The following ST6GAL1 variants were observed in gnomAD, a reference collection of about 807,000 sequenced individuals.
The protein encoded by ST6GAL1 is beta-galactoside alpha-2,6-sialyltransferase 1.
ST6GAL1 carries 20 observed loss-of-function variants against 38.0 expected under a neutral mutation model. The ratio of observed to expected loss-of-function variants is 0.53; its 90% CI spans 0.37 to 0.77. ST6GAL1 has a LOEUF of 0.77. ST6GAL1 is among the 30% of genes least tolerant of loss of function. ST6GAL1 has a pLI of 0.00. For synonymous variants in ST6GAL1, 196 were observed against 188.2 expected (o/e 1.04, Z -0.34); for missense variants, 432 against 496.4 (o/e 0.87, Z 1.23).
intron 2 of ST6GAL1, among the ~76,000 whole-genome samples, chr3:187,031,139 T>C (rs770385559): frequency 6.6e-6 from 1 of 152,212 alleles, no homozygotes; most frequent in Admixed American, 6.5e-5. Flanking sequence ...CATGGAGTTA[T>C]GCTGATCATC....
In ST6GAL1 at chr3:187,078,272, TATG is replaced by T. The variant is rs957038034; in HGVS notation, c.*2472_*2474del. 2 of 152,562 alleles carry T rather than the reference TATG, an allele frequency of 1.3e-5. No homozygotes were observed. The highest frequency in any genetic ancestry group is 2.9e-5 in the Non-Finnish European group (2 of 68,032). The allele number at this position is 152,562 out of a possible 1,614,324, so 9.5% of individuals were successfully genotyped here. A position where few individuals can be genotyped will look rare whatever the true frequency, so the allele number is the denominator to read the frequency against. ...GTGGACACTTTGGTAAAATGCAAATTATGATATGGACGTTATCATTGGTCTGGT... is the reference window on the plus strand; with the variant it reads ...GTGGACACTTTGGTAAAATGCAAATTATATGGACGTTATCATTGGTCTGGT... On this transcript the variant is annotated 3_prime_UTR_variant, in exon 8 of 8. Coordinates refer to ENST00000169298, the MANE Select transcript of ST6GAL1 (RefSeq NM_173216.2).
chr3:187,008,701 A>C (rs1022527644), intron 2 of ST6GAL1, among the ~76,000 whole-genome samples: 1 of 152,244 alleles, frequency 6.6e-6, no homozygotes, highest in African/African-American at 2.4e-5. Flanking sequence ...GAGCAGGAGA[A>C]ATAATAAATA....
intron 2 of ST6GAL1, among the ~76,000 whole-genome samples, chr3:186,979,311 A>G (rs181112511): frequency 1.6e-3 from 249 of 152,236 alleles, no homozygotes; most frequent in Non-Finnish European, 2.9e-3. Context: ...TGCCTGGAGC[A>G]TTACTGCAAA....
intron 5 of ST6GAL1, among the ~76,000 whole-genome samples, chr3:187,068,395 A>G (rs970217074): frequency 3.9e-5 from 6 of 152,120 alleles, no homozygotes; most frequent in African/African-American, 1.2e-4. Context: ...TAAGAATCCA[A>G]TTCAGACTCT....
intron 2 of ST6GAL1, among the ~76,000 whole-genome samples, chr3:187,010,193 G>C (rs1716911475): frequency 6.6e-6 from 1 of 152,096 alleles, no homozygotes. Flanking sequence ...GAATTACTGG[G>C]TTAAAAGAGA....
At chr3:187,067,394 CT>C (rs3055154) in intron 5 of ST6GAL1, among the ~76,000 whole-genome samples, 14,761 of 114,036 alleles carry the variant, frequency 0.13, 694 homozygotes, top group Middle Eastern at 0.17. Context: ...GCAAGGCAAC[CT>C]TTTTTTTTTT....
chr3:186,960,522 A>G (rs1449640880), intron 1 of ST6GAL1, among the ~76,000 whole-genome samples: 2 of 152,336 alleles, frequency 1.3e-5, no homozygotes, highest in East Asian at 3.9e-4. Flanking sequence ...GACAGATTAC[A>G]GAGCGTTATG....
chr3:186,943,484 C>G (rs1714251231), intron 1 of ST6GAL1, among the ~76,000 whole-genome samples: 1 of 152,160 alleles, frequency 6.6e-6, no homozygotes, highest in African/African-American at 2.4e-5. Context: ...CGGAGTCTCG[C>G]TCTTGCTCAG....
intron 2 of ST6GAL1, among the ~76,000 whole-genome samples, chr3:186,999,499 C>T (rs950378469): frequency 6.6e-6 from 1 of 151,830 alleles, no homozygotes; most frequent in Admixed American, 6.6e-5. Context: ...GCAAGCTCCG[C>T]CTCCCTGGTT....
chr3:187,017,042 G>T (rs989519548), intron 2 of ST6GAL1, among the ~76,000 whole-genome samples: 6 of 152,204 alleles, frequency 3.9e-5, no homozygotes, highest in African/African-American at 1.4e-4. Flanking sequence ...TGACAGTGTA[G>T]CCTGAAATTC....
In ST6GAL1 at chr3:187,076,194, C is replaced by G. The variant is rs1719555464; in HGVS notation, c.*391C>G. ...GCTCTATATTGCTTGAAGTCTGCAT[C>G]TAAATATTGATTTCACGTTTTAAAG... On this transcript the variant is annotated 3_prime_UTR_variant, in exon 8 of 8. Coordinates refer to ENST00000169298, the MANE Select transcript of ST6GAL1 (RefSeq NM_173216.2). 5.4e-6 allele frequency: 1 copy of G among 185,284 alleles called. No individual in the cohort carries two copies. The highest frequency in any genetic ancestry group is 2.4e-5 in the African/African-American group (1 of 42,380). The allele number at this position is 185,284 out of a possible 1,614,324, so 11.5% of individuals were successfully genotyped here.
intron 2 of ST6GAL1, among the ~76,000 whole-genome samples, chr3:187,019,888 C>G (rs911733619): frequency 1.3e-5 from 2 of 152,152 alleles, no homozygotes; most frequent in African/African-American, 4.8e-5. Context: ...ACCAGAAGGT[C>G]AATACAGTGA....
chr3:186,935,467 C>T (rs578230746), intron 1 of ST6GAL1, among the ~76,000 whole-genome samples: 1 of 152,182 alleles, frequency 6.6e-6, no homozygotes, highest in African/African-American at 2.4e-5. Context: ...TGAACATATG[C>T]GCGCATGTGT....
At chr3:187,072,678 A>G in intron 5 of ST6GAL1, 171 bp from the exon 6 acceptor site, 1 of 687,876 alleles carries the variant, frequency 1.5e-6, no homozygotes, top group Non-Finnish European at 2.7e-6. Flanking sequence ...AACACAGTGC[A>G]GGCTGGTATC....
intron 4 of ST6GAL1, among the ~76,000 whole-genome samples, chr3:187,045,141 G>A (rs1319747493): frequency 2.0e-5 from 3 of 152,172 alleles, no homozygotes; most frequent in Non-Finnish European, 2.9e-5. Context: ...ACTACTGGAT[G>A]GATCAGATTA....
chr3:187,028,648 A>G (rs1039296671), intron 2 of ST6GAL1, among the ~76,000 whole-genome samples: 6 of 152,128 alleles, frequency 3.9e-5, no homozygotes, highest in Non-Finnish European at 8.8e-5. Flanking sequence ...CTATGTTCCA[A>G]TATCCCCATT....
chr3:187,021,556 A>G (rs1358079816), intron 2 of ST6GAL1, among the ~76,000 whole-genome samples: 1 of 151,782 alleles, frequency 6.6e-6, no homozygotes. Context: ...CCTGACCAAC[A>G]TGGTGAAACC....
intron 1 of ST6GAL1, among the ~76,000 whole-genome samples, chr3:186,961,389 T>C (rs1246426054): frequency 6.6e-6 from 1 of 152,196 alleles, no homozygotes; most frequent in African/African-American, 2.4e-5. Context: ...GTTGCAGTTT[T>C]GAAAGAGTGT....
At chr3:187,021,565 C>T (rs1397308839) in intron 2 of ST6GAL1, among the ~76,000 whole-genome samples, 1 of 151,730 alleles carries the variant, frequency 6.6e-6, no homozygotes, top group Admixed American at 6.6e-5. Context: ...CATGGTGAAA[C>T]CCCGTCTCTA....
Sources: allele counts gnomAD v4.1 joint callset (sites outside exome capture counted in the v4.1 genomes callset), GRCh38; gene constraint gnomAD v4.1.1; transcripts MANE v1.5; gene names NCBI Gene and HGNC (gene_info 2026-07-23, HGNC 2026-07-21).